GRIA3: variants seen among roughly 807,000 people sequenced by gnomAD.
The protein encoded by GRIA3 is glutamate ionotropic receptor AMPA type subunit 3, also known as glutamate receptor 3.
Under a neutral mutation model 63.0 loss-of-function variants are expected in GRIA3, and 3 were observed. The ratio of observed to expected loss-of-function variants is 0.05; its 90% CI spans 0.02 to 0.12. The LOEUF is 0.12. GRIA3 is among the 10% of genes least tolerant of loss of function. GRIA3 has a pLI of 1.00. For synonymous variants in GRIA3, 274 were observed against 257.9 expected, an observed-to-expected ratio of 1.06 and a Z score of -0.60; for missense variants, 347 against 700.9, an observed-to-expected ratio of 0.50 and a Z score of 5.70.
intron 13 of GRIA3, among the ~76,000 whole-genome samples, chrX:123,473,995 T>C (rs1378339825): frequency 8.9e-6 from 1 of 112,420 alleles, no homozygotes; most frequent in African/African-American, 3.2e-5. Flanking sequence ...GTCCCTGCTC[T>C]GAAAGGAGAA....
chrX:123,458,180 G>A (rs892590011), intron 12 of GRIA3, among the ~76,000 whole-genome samples: 2 of 109,347 alleles, frequency 1.8e-5, no homozygotes, highest in African/African-American at 3.3e-5. Context: ...TCATTCCACC[G>A]ACACATAGTG....
chrX:123,315,701 T>C (rs1038490383), intron 3 of GRIA3, among the ~76,000 whole-genome samples: 2 of 112,107 alleles, frequency 1.8e-5, no homozygotes, highest in African/African-American at 6.5e-5. Flanking sequence ...TTTTCTTTAC[T>C]TCTGTCTCAG....
chrX:123,376,769 G>A (rs370396817), intron 5 of GRIA3, among the ~76,000 whole-genome samples: 66 of 111,130 alleles, frequency 5.9e-4, no homozygotes, highest in Middle Eastern at 9.3e-3. Context: ...CAAGTGGTCA[G>A]CTCAAGAAGT....
chrX:123,373,849 CTTTAG>C (rs1456104828), intron 5 of GRIA3, among the ~76,000 whole-genome samples: 2 of 111,619 alleles, frequency 1.8e-5, no homozygotes, highest in African/African-American at 6.5e-5. Flanking sequence ...TGCAGAAACT[CTTTAG>C]TTTAATTAGA....
chrX:123,315,064 A>G (rs748268889), intron 3 of GRIA3, among the ~76,000 whole-genome samples: 12 of 111,801 alleles, frequency 1.1e-4, no homozygotes, highest in Non-Finnish European at 2.1e-4. Context: ...GGAGAGAAGA[A>G]AAAGCACAAA....
At chrX:123,438,785 G>A (rs570040380) in intron 12 of GRIA3, among the ~76,000 whole-genome samples, 22 of 112,830 alleles carry the variant, frequency 1.9e-4, no homozygotes, top group South Asian at 1.8e-3. Context: ...GATTACAGGC[G>A]TGAGCCACCG....
At position 123,439,744 on chromosome X, in the gene GRIA3, T is replaced by C. The variant is rs188031721; in HGVS notation, c.2076+11605T>C. ...CAATAAGCAAAAATAGTCTGTTAGT[T>C]ATCTCTCTGTTAGGGGTATGCTTGT... is the stretch of plus-strand genomic sequence containing the variant. On this transcript the variant is annotated intron_variant, in intron 12 of 15. Coordinates refer to ENST00000620443, the MANE Select transcript of GRIA3 (RefSeq NM_007325.5). Among the ~76,000 whole-genome samples the C allele has an allele frequency of 5.4e-5, 6 of 111,287 alleles. No homozygotes were observed. In the East Asian group the frequency reaches 1.7e-3, roughly 31 times the overall value.
chrX:123,467,154 G>T (rs1169592091), intron 13 of GRIA3, among the ~76,000 whole-genome samples: 1 of 111,945 alleles, frequency 8.9e-6, no homozygotes, highest in East Asian at 2.8e-4. Flanking sequence ...CAAAAAAGAA[G>T]ACTGCAAGGA....
intron 3 of GRIA3, among the ~76,000 whole-genome samples, chrX:123,280,727 C>CA (rs749957077): frequency 1.8e-5 from 2 of 112,142 alleles, no homozygotes; most frequent in East Asian, 5.6e-4. Context: ...TAAAACTATA[C>CA]ATGAGCTGAG....
At chrX:123,392,014 G>A (rs934568318) in intron 5 of GRIA3, among the ~76,000 whole-genome samples, 1 of 112,147 alleles carries the variant, frequency 8.9e-6, no homozygotes, top group Non-Finnish European at 1.9e-5. Context: ...GGTGGTGCAC[G>A]TGGGTGCTGG....
intron 7 of GRIA3, among the ~76,000 whole-genome samples, chrX:123,401,452 A>G (rs1054304117): frequency 1.8e-5 from 2 of 111,888 alleles, no homozygotes; most frequent in Non-Finnish European, 3.8e-5. Flanking sequence ...GAGTATAAAG[A>G]GCCCTTCATG....
intron 12 of GRIA3, among the ~76,000 whole-genome samples, chrX:123,432,895 A>C (rs1304271606): frequency 8.9e-6 from 1 of 111,746 alleles, no homozygotes; most frequent in African/African-American, 3.2e-5. Context: ...GGGAAGAAAC[A>C]CAGGGGGGAA....
intron 12 of GRIA3, among the ~76,000 whole-genome samples, chrX:123,451,472 G>A (rs1255223107): frequency 6.7e-5 from 5 of 74,531 alleles, no homozygotes; most frequent in African/African-American, 1.6e-4. Context: ...ACAAGTGCAC[G>A]CCAGCCTGGA....
chrX:123,271,394 T>C (rs1057038929), intron 3 of GRIA3, among the ~76,000 whole-genome samples: 5 of 112,001 alleles, frequency 4.5e-5, no homozygotes, highest in African/African-American at 1.6e-4. Flanking sequence ...TTGTTGTTAC[T>C]TTACAGATTT....
At chrX:123,372,414 C>A (rs1276778923) in intron 5 of GRIA3, among the ~76,000 whole-genome samples, 1 of 111,318 alleles carries the variant, frequency 9.0e-6, no homozygotes, top group Admixed American at 9.5e-5. Flanking sequence ...ATGAAAAATG[C>A]CTTTGGTATT....
intron 3 of GRIA3, among the ~76,000 whole-genome samples, chrX:123,323,809 A>G (rs1569419964): frequency 8.9e-6 from 1 of 112,379 alleles, no homozygotes; most frequent in Non-Finnish European, 1.9e-5. Context: ...CAGACGAAAG[A>G]TTTTTATGGA....
chrX:123,268,872 C>A (rs1178568680), intron 3 of GRIA3, among the ~76,000 whole-genome samples: 1 of 112,220 alleles, frequency 8.9e-6, no homozygotes, highest in African/African-American at 3.2e-5. Flanking sequence ...CCCTATCTTG[C>A]AGGAATAAAG....
At chrX:123,348,878 A>G (rs2045072589) in intron 4 of GRIA3, among the ~76,000 whole-genome samples, 1 of 112,259 alleles carries the variant, frequency 8.9e-6, no homozygotes, top group South Asian at 3.7e-4. Context: ...AATTTCAACC[A>G]TAAATGGGAA....
In GRIA3 at chrX:123,489,693, C is replaced by T. The variant is rs1305025291; in HGVS notation, c.*983C>T. On this transcript the variant is annotated 3_prime_UTR_variant, in exon 16 of 16. Coordinates refer to ENST00000620443, the MANE Select transcript of GRIA3 (RefSeq NM_007325.5). ...TGTTTAGAATATCTCAGAAACAACA[C>T]TGTGTTTAGCTCGGCTTTCTCTGCT... 8.9e-6 allele frequency: 1 copy of T among 112,248 alleles called. No homozygotes were observed. The highest frequency in any genetic ancestry group is 1.9e-5 in the Non-Finnish European group (1 of 53,238). The allele number at this position is 112,248 out of a possible 1,213,427, so 9.3% of individuals were successfully genotyped here. A position where few individuals can be genotyped will look rare whatever the true frequency, so the allele number is the denominator to read the frequency against.
Sources: allele counts gnomAD v4.1 joint callset (sites outside exome capture counted in the v4.1 genomes callset), GRCh38; gene constraint gnomAD v4.1.1; transcripts MANE v1.5; gene names NCBI Gene and HGNC (gene_info 2026-07-23, HGNC 2026-07-21).